CDH12: variants seen among roughly 807,000 people sequenced by gnomAD.
CDH12 encodes cadherin-12.
CDH12 carries 41 observed loss-of-function variants against 74.1 expected under a neutral mutation model. That is an observed-to-expected ratio of 0.55 (90% CI 0.43 to 0.72). The LOEUF is 0.72. Ranked by LOEUF, CDH12 falls within the 30% of genes least tolerant of loss-of-function variation. CDH12 has a pLI of 0.00. For synonymous variants in CDH12, 399 were observed against 355.0 expected (o/e 1.12, Z -1.39); for missense variants, 945 against 977.2 (o/e 0.97, Z 0.44).
At chr5:22,494,177 G>A (rs188865103) in intron 2 of CDH12, among the ~76,000 whole-genome samples, 5 of 152,296 alleles carry the variant, frequency 3.3e-5, no homozygotes, top group East Asian at 3.9e-4. Context: ...AAAAAATGTC[G>A]AATCTGAGCC....
intron 5 of CDH12, among the ~76,000 whole-genome samples, chr5:21,994,825 T>C (rs1279060998): frequency 2.0e-5 from 3 of 152,090 alleles, no homozygotes; most frequent in African/African-American, 4.8e-5. Flanking sequence ...CACCAATCAG[T>C]ACTCTGTAAA....
At chr5:22,250,279 T>G (rs1203162141) in intron 3 of CDH12, among the ~76,000 whole-genome samples, 1 of 152,106 alleles carries the variant, frequency 6.6e-6, no homozygotes, top group Non-Finnish European at 1.5e-5. Flanking sequence ...TTGTCATGAA[T>G]CTACAAATCT....
At chr5:22,810,529 G>A (rs943625290) in intron 1 of CDH12, among the ~76,000 whole-genome samples, 1 of 152,064 alleles carries the variant, frequency 6.6e-6, no homozygotes, top group East Asian at 1.9e-4. Context: ...AGGAAATGGA[G>A]TTATTCTTAG....
chr5:22,403,157 T>C (rs946720473), intron 3 of CDH12, among the ~76,000 whole-genome samples: 20 of 152,196 alleles, frequency 1.3e-4, no homozygotes, highest in Non-Finnish European at 2.1e-4. Flanking sequence ...TACTGGTAAG[T>C]AGATTTCAGA....
chr5:21,751,170 T>C lies in CDH12; in HGVS notation c.*567A>G, dbSNP rs1744025375. Reference sequence around the variant, plus strand: ...GAAAACCTTTTGAATTAGAAGAAGGTGGAGATCAGAAAGTGTTCTTCTTTT... The same window carrying C: ...GAAAACCTTTTGAATTAGAAGAAGGCGGAGATCAGAAAGTGTTCTTCTTTT... On this transcript the variant is annotated 3_prime_UTR_variant, in exon 15 of 15. Transcript: ENST00000382254. 6.6e-6 allele frequency: 1 copy of C among 152,666 alleles called. No homozygotes were observed. Among genetic ancestry groups the C allele is most frequent in the Non-Finnish European group, 1.5e-5 (1 of 68,080 alleles). The allele number at this position is 152,666 out of a possible 1,614,324, so 9.5% of individuals were successfully genotyped here.
intron 2 of CDH12, among the ~76,000 whole-genome samples, chr5:22,461,391 T>C (rs1236493263): frequency 1.3e-5 from 2 of 151,422 alleles, no homozygotes; most frequent in Non-Finnish European, 2.9e-5. Flanking sequence ...TAGAGAATAA[T>C]CATTTTACTA....
At chr5:22,395,998 C>A (rs190393123) in intron 3 of CDH12, among the ~76,000 whole-genome samples, 201 of 152,188 alleles carry the variant, frequency 1.3e-3, no homozygotes, top group Non-Finnish European at 2.3e-3. Context: ...CCTCTTTTGT[C>A]CTCCAACTGT....
intron 1 of CDH12, among the ~76,000 whole-genome samples, chr5:22,563,687 T>A (rs1405508810): frequency 1.3e-5 from 2 of 152,184 alleles, no homozygotes; most frequent in Non-Finnish European, 2.9e-5. Context: ...TTTCACACTG[T>A]TGATAAAGAC....
At chr5:22,795,936 A>G (rs758981944) in intron 1 of CDH12, among the ~76,000 whole-genome samples, 3 of 152,134 alleles carry the variant, frequency 2.0e-5, no homozygotes, top group African/African-American at 7.2e-5. Context: ...AGGATAACAT[A>G]TAAGTGTTAA....
intron 5 of CDH12, among the ~76,000 whole-genome samples, chr5:22,036,978 C>T (rs548438179): frequency 1.3e-5 from 2 of 152,100 alleles, no homozygotes; most frequent in Non-Finnish European, 2.9e-5. Flanking sequence ...TTAATCCTCA[C>T]TGGTAGTTTT....
chr5:22,207,708 A>C (rs1159590163), intron 4 of CDH12, among the ~76,000 whole-genome samples: 4 of 152,224 alleles, frequency 2.6e-5, no homozygotes, highest in Non-Finnish European at 5.9e-5. Flanking sequence ...TTTAAGAAAC[A>C]TCCACTTCAT....
intron 2 of CDH12, among the ~76,000 whole-genome samples, chr5:22,483,769 T>TATATATATATATATATAAA (rs1554044195): frequency 3.4e-5 from 4 of 118,614 alleles, no homozygotes; most frequent in South Asian, 2.7e-4. Context: ...TATATAAATT[T>TATATATATATATATATAAA]AATTAATTGG....
intron 3 of CDH12, among the ~76,000 whole-genome samples, chr5:22,224,494 T>A (rs1369555572): frequency 6.6e-6 from 1 of 152,080 alleles, no homozygotes; most frequent in African/African-American, 2.4e-5. Flanking sequence ...TGACAAACTT[T>A]AGTTTTAAAG....
At chr5:22,301,574 T>G (rs1737881987) in intron 3 of CDH12, among the ~76,000 whole-genome samples, 1 of 152,158 alleles carries the variant, frequency 6.6e-6, no homozygotes, top group South Asian at 2.1e-4. Flanking sequence ...GACTCCCAAT[T>G]TTATAATAAT....
intron 1 of CDH12, among the ~76,000 whole-genome samples, chr5:22,653,488 A>T (rs1739848654): frequency 6.6e-6 from 1 of 151,026 alleles, no homozygotes; most frequent in Non-Finnish European, 1.5e-5. Context: ...GTTGGGTTCT[A>T]TTTTTTCCAC....
intron 1 of CDH12, among the ~76,000 whole-genome samples, chr5:22,624,532 T>C (rs1197096998): frequency 6.6e-6 from 1 of 152,162 alleles, no homozygotes; most frequent in Non-Finnish European, 1.5e-5. Context: ...AAGAAGACAT[T>C]TATGTAGCCA....
intron 6 of CDH12, among the ~76,000 whole-genome samples, chr5:21,918,169 T>C (rs1579959645): frequency 6.6e-6 from 1 of 152,026 alleles, no homozygotes; most frequent in Non-Finnish European, 1.5e-5. Context: ...GTTTCACTGT[T>C]CCTTAAAAAT....
intron 3 of CDH12, among the ~76,000 whole-genome samples, chr5:22,255,993 C>T (rs1401460872): frequency 6.6e-6 from 1 of 151,988 alleles, no homozygotes; most frequent in African/African-American, 2.4e-5. Context: ...GTGTAACGAC[C>T]TCTAAATGCA....
intron 1 of CDH12, among the ~76,000 whole-genome samples, chr5:22,817,439 G>A (rs904232148): frequency 6.6e-6 from 1 of 151,850 alleles, no homozygotes; most frequent in Non-Finnish European, 1.5e-5. Context: ...ACATGAAAAG[G>A]TAATTAAAAC....
Sources: allele counts gnomAD v4.1 joint callset (sites outside exome capture counted in the v4.1 genomes callset), GRCh38; gene constraint gnomAD v4.1.1; transcripts MANE v1.5; gene names NCBI Gene and HGNC (gene_info 2026-07-23, HGNC 2026-07-21).